The following ZNRF1 variants were observed in gnomAD, a reference collection of about 807,000 sequenced individuals.
The protein encoded by ZNRF1 is E3 ubiquitin-protein ligase ZNRF1.
ZNRF1 carries 3 observed loss-of-function variants against 18.4 expected under a neutral mutation model. The observed-to-expected ratio is 0.16, with a 90% CI of 0.07 to 0.42. The LOEUF is 0.42. Ranked by LOEUF, ZNRF1 falls within the 10% of genes least tolerant of loss-of-function variation. The pLI is 0.99. For synonymous variants in ZNRF1, 157 were observed against 144.2 expected (o/e 1.09, Z -0.64); for missense variants, 310 against 329.8 (o/e 0.94, Z 0.47).
intron 1 of ZNRF1, among the ~76,000 whole-genome samples, chr16:75,050,291 C>G (rs998155693): frequency 1.2e-4 from 18 of 152,018 alleles, no homozygotes; most frequent in African/African-American, 4.3e-4. Flanking sequence ...TTGGTGAGGT[C>G]GAGGCGGGAG....
At chr16:75,054,302 T>C (rs2035642973) in intron 1 of ZNRF1, among the ~76,000 whole-genome samples, 1 of 152,230 alleles carries the variant, frequency 6.6e-6, no homozygotes, top group African/African-American at 2.4e-5. Flanking sequence ...TGACCTTTGT[T>C]GTGAGGGTAG....
chr16:75,010,148 A>AATT (rs994092592), intron 1 of ZNRF1, among the ~76,000 whole-genome samples: 4 of 151,830 alleles, frequency 2.6e-5, no homozygotes, highest in Admixed American at 2.0e-4. Context: ...ATGCCCTGCT[A>AATT]ATTTTTGTAT....
intron 1 of ZNRF1, among the ~76,000 whole-genome samples, chr16:75,041,828 A>T (rs147415664): frequency 0.039 from 5,839 of 149,858 alleles, 183 homozygotes; most frequent in East Asian, 0.15. Flanking sequence ...ACTAAAAAAA[A>T]AAATATATAT....
chr16:75,075,380 G>A (rs376970944), intron 1 of ZNRF1, among the ~76,000 whole-genome samples: 15 of 152,342 alleles, frequency 9.8e-5, no homozygotes, highest in African/African-American at 2.2e-4. Context: ...CTGCGGGTTG[G>A]GCAGGAAGCA....
At chr16:75,102,823 G>T (rs1320042011) in intron 2 of ZNRF1, among the ~76,000 whole-genome samples, 1 of 152,130 alleles carries the variant, frequency 6.6e-6, no homozygotes, top group African/African-American at 2.4e-5. Flanking sequence ...TTCCTCCTGG[G>T]CACCCTCCCT....
At chr16:75,044,553 T>TG (rs755107716) in intron 1 of ZNRF1, among the ~76,000 whole-genome samples, 1 of 151,400 alleles carries the variant, frequency 6.6e-6, no homozygotes, top group East Asian at 1.9e-4. Flanking sequence ...TAAATAGAGA[T>TG]GGGGGTCTTG....
intron 1 of ZNRF1, among the ~76,000 whole-genome samples, chr16:75,050,732 A>G (rs565194052): frequency 2.4e-4 from 36 of 149,446 alleles, no homozygotes; most frequent in African/African-American, 7.4e-4. Flanking sequence ...TTAGCTGGGC[A>G]TGGTGGCAGG....
intron 1 of ZNRF1, among the ~76,000 whole-genome samples, chr16:75,015,092 T>A (rs2035049359): frequency 6.6e-6 from 1 of 152,170 alleles, no homozygotes; most frequent in Non-Finnish European, 1.5e-5. Flanking sequence ...TTCTCTCAGT[T>A]TGTGGCTTAT....
intron 1 of ZNRF1, among the ~76,000 whole-genome samples, chr16:75,092,664 C>T (rs2036153363): frequency 6.6e-6 from 1 of 152,186 alleles, no homozygotes; most frequent in Non-Finnish European, 1.5e-5. Context: ...CCAAAATTCT[C>T]CAGTATGGGT....
chr16:75,081,350 T>C (rs1174608689), intron 1 of ZNRF1, among the ~76,000 whole-genome samples: 1 of 152,230 alleles, frequency 6.6e-6, no homozygotes, highest in African/African-American at 2.4e-5. Flanking sequence ...GTGTTCCTCC[T>C]GAAGGTGGAG....
chr16:75,013,299 A>G (rs1474600140), intron 1 of ZNRF1, among the ~76,000 whole-genome samples: 4 of 151,946 alleles, frequency 2.6e-5, no homozygotes, highest in Non-Finnish European at 5.9e-5. Flanking sequence ...GGTAAGTCTT[A>G]TCATGAGTTC....
At chr16:75,086,772 C>G (rs1282676909) in intron 1 of ZNRF1, among the ~76,000 whole-genome samples, 1 of 152,238 alleles carries the variant, frequency 6.6e-6, no homozygotes, top group African/African-American at 2.4e-5. Flanking sequence ...GGCACGCGCT[C>G]TCTGAGCTCC....
intron 1 of ZNRF1, among the ~76,000 whole-genome samples, chr16:75,032,952 G>A (rs1270353916): frequency 6.6e-6 from 1 of 152,164 alleles, no homozygotes; most frequent in Non-Finnish European, 1.5e-5. Context: ...GTTCAAGGCT[G>A]TAGTGAGCTG....
At chr16:75,008,749 A>C (rs2034957175) in intron 1 of ZNRF1, among the ~76,000 whole-genome samples, 1 of 152,174 alleles carries the variant, frequency 6.6e-6, no homozygotes. Flanking sequence ...ACTCCTTAAG[A>C]GTCTGAATAT....
chr16:75,055,807 A>C (rs2035659912), intron 1 of ZNRF1, among the ~76,000 whole-genome samples: 1 of 152,182 alleles, frequency 6.6e-6, no homozygotes, highest in Admixed American at 6.5e-5. Context: ...GGGGGTAGTT[A>C]TTGCCTTTCC....
chr16:75,012,912 A>G (rs542311324), intron 1 of ZNRF1, among the ~76,000 whole-genome samples: 7 of 152,320 alleles, frequency 4.6e-5, no homozygotes, highest in South Asian at 2.1e-4. Context: ...CCAGAGCTCA[A>G]TAAAGGGGAA....
chr16:75,016,841 G>A (rs1014472453), intron 1 of ZNRF1, among the ~76,000 whole-genome samples: 2 of 151,726 alleles, frequency 1.3e-5, no homozygotes, highest in African/African-American at 2.4e-5. Context: ...CACCGCGGCC[G>A]GCCTACTGTT....
intron 1 of ZNRF1, among the ~76,000 whole-genome samples, chr16:75,076,312 A>T (rs2035940431): frequency 6.6e-6 from 1 of 152,108 alleles, no homozygotes; most frequent in Non-Finnish European, 1.5e-5. Flanking sequence ...AGAATGTGGC[A>T]TCTTATTTCA....
rs1032190577 is a variant in ZNRF1, at chr16:75,108,779, A to T, written c.*1079A>T. 2.7e-6 allele frequency: 1 copy of T among 376,850 alleles called. No homozygotes were observed. Among genetic ancestry groups the T allele is most frequent in the Non-Finnish European group, 4.7e-6 (1 of 213,840 alleles). The allele number at this position is 376,850 out of a possible 1,614,324, so 23.3% of individuals were successfully genotyped here. On this transcript the variant is annotated 3_prime_UTR_variant, in exon 5 of 5. Transcript: ENST00000335325. ...AAATGGGGGCAAGGGCCTGCCCCCC[A>T]CTCCCTCACCTACCTCCTTAGCATT...
Sources: gnomAD v4.1 joint callset for allele counts (sites outside exome capture counted in the v4.1 genomes callset) on GRCh38, gnomAD v4.1.1 for gene constraint, MANE v1.5 for transcripts, NCBI Gene and HGNC (gene_info 2026-07-23, HGNC 2026-07-21) for gene names.